DIS3L: variants seen among roughly 807,000 people sequenced by gnomAD.
DIS3L encodes DIS3 like exosome 3'-5' exoribonuclease.
In DIS3L, 100 loss-of-function variants were observed where a neutral mutation model predicts 120.3. The observed-to-expected ratio is 0.83, with a 90% CI of 0.71 to 0.98. The LOEUF (loss-of-function observed/expected upper bound fraction) is 0.98. Ranked by LOEUF, DIS3L falls within the 50% of genes least tolerant of loss-of-function variation. The pLI is 0.00. For synonymous variants in DIS3L, 426 were observed against 470.6 expected (o/e 0.91, Z 1.23); for missense variants, 1,196 against 1,314.2 (o/e 0.91, Z 1.39).
intron 7 of DIS3L, among the ~76,000 whole-genome samples, chr15:66,316,157 C>T (rs1189933885): frequency 1.3e-5 from 2 of 152,142 alleles, no homozygotes; most frequent in Non-Finnish European, 2.9e-5. Context: ...GCATCTTCCC[C>T]TGGACGTCTA....
intron 4 of DIS3L, 101 bp from the exon 5 acceptor site, chr15:66,311,623 A>G (rs1008382611): frequency 2.1e-6 from 3 of 1,406,916 alleles, no homozygotes; most frequent in Non-Finnish European, 2.0e-6. Context: ...CCCCCTCAAG[A>G]TGGCAGGCCA....
rs983097701 is a variant in DIS3L, at chr15:66,329,646, A to G, written c.2535+247A>G. ...GTAAAGATTCAAGCAACGCATAAAGATATGATGACAGAGGCCAGACGTGGT... is the reference window on the plus strand; with the variant it reads ...GTAAAGATTCAAGCAACGCATAAAGGTATGATGACAGAGGCCAGACGTGGT... On this transcript the variant is annotated intron_variant, in intron 14 of 16. Transcript: ENST00000319212. The G allele has an allele frequency of 1.2e-5, 14 of 1,169,458 alleles. No individual in the cohort carries two copies. The African/African-American group carries it at 1.9e-4, about 16-fold the overall frequency. 72.4% of individuals were successfully genotyped at this position (1,169,458 alleles called of 1,614,324 possible).
chr15:66,325,570 C>A (rs889223924), intron 11 of DIS3L, among the ~76,000 whole-genome samples: 1 of 152,100 alleles, frequency 6.6e-6, no homozygotes. Context: ...TTTGTAATTT[C>A]TTTTAAGTTA....
intron 6 of DIS3L, among the ~76,000 whole-genome samples, chr15:66,314,619 G>A (rs2092798796): frequency 1.3e-5 from 2 of 152,146 alleles, no homozygotes; most frequent in Non-Finnish European, 2.9e-5. Context: ...GCTTTCTTCG[G>A]GCCCTTGCTC....
intron 2 of DIS3L, among the ~76,000 whole-genome samples, chr15:66,300,149 G>A (rs781464772): frequency 3.7e-4 from 57 of 152,274 alleles, no homozygotes; most frequent in African/African-American, 3.9e-4. Context: ...CCAAATGTCC[G>A]TTAATTGATT....
Position 66,333,064 on chromosome 15 carries a change from A to G in DIS3L, c.2917A>G (p.Ser973Gly). 6.2e-7 allele frequency: 1 copy of G among 1,613,422 alleles called. No individual in the cohort carries two copies. Among genetic ancestry groups the G allele is most frequent in the Non-Finnish European group, 8.5e-7 (1 of 1,180,000 alleles). The change falls in exon 17 of 17, where the codon AGT becomes GGT. Residue 973 changes from serine to glycine, a missense_variant. Physicochemically the swap from Ser to Gly is moderately conservative, Grantham distance 56. Coordinates refer to ENST00000319212, the MANE Select transcript of DIS3L (RefSeq NM_001143688.3). ...TGATACAATCAGACTTGAAATAATT[A>G]GTAACAAACCATACAAGATACCAAA... The part of the protein sequence containing the change: ...HSDTIRLEII[S>G]NKPYKIPNTE...
Position 66,332,806 on chromosome 15 carries a change from T to C in DIS3L, c.2752T>C (p.Cys918Arg). The C allele has an allele frequency of 1.2e-6, 2 of 1,614,048 alleles. No individual in the cohort carries two copies. The highest frequency in any genetic ancestry group is 1.7e-6 in the Non-Finnish European group (2 of 1,179,992). The change falls in exon 16 of 17, where the codon TGT (cysteine) becomes CGT (arginine). Residue 918 changes from cysteine (C) to arginine (R), a missense_variant. Cys to Arg is a radical substitution (Grantham distance 180). Transcript: ENST00000319212. ...AGTCATCTCATGTGGCCCAGATAGCTGTTCTGAATGGAAACCAGGATCCCT... is the reference window on the plus strand; with the variant it reads ...AGTCATCTCATGTGGCCCAGATAGCCGTTCTGAATGGAAACCAGGATCCCT... ...GLVISCGPDS[C>R]SEWKPGSLQR...
intron 14 of DIS3L, chr15:66,329,603 T>C: frequency 7.8e-7 from 1 of 1,281,566 alleles, no homozygotes; most frequent in South Asian, 2.1e-5. Context: ...GATTTTTTTT[T>C]TTCCGAAAGG....
intron 8 of DIS3L, among the ~76,000 whole-genome samples, chr15:66,318,944 C>T (rs1270229085): frequency 6.6e-6 from 1 of 152,094 alleles, no homozygotes; most frequent in African/African-American, 2.4e-5. Context: ...AGGCTCCCGC[C>T]ACCACGCCCG....
intron 12 of DIS3L, 71 bp from the exon 13 acceptor site, chr15:66,328,899 G>T (rs2092966311): frequency 7.2e-6 from 11 of 1,523,684 alleles, no homozygotes; most frequent in African/African-American, 1.4e-5. Context: ...ATGAGTGAAG[G>T]GTTCCCCTCA....
In DIS3L at chr15:66,327,346, A is replaced by T. The variant is rs76996365; in HGVS notation, c.2201+982A>T. Among the ~76,000 whole-genome samples the T allele has an allele frequency of 9.8e-3, 1,487 of 152,340 alleles. 53 individuals carry two copies. Among genetic ancestry groups the T allele is most frequent in the Admixed American group, 0.061 (940 of 15,298 alleles). On this transcript the variant is annotated intron_variant, in intron 12 of 16. Coordinates refer to ENST00000319212, the MANE Select transcript of DIS3L (RefSeq NM_001143688.3). ...ATTTATTTCAGTACTTTTAAAATGC[A>T]GCATCTTTGTGACAATATCATAAGA... is the stretch of plus-strand genomic sequence containing the variant.
intron 4 of DIS3L, 149 bp from the exon 5 acceptor site, chr15:66,311,575 T>C: frequency 1.2e-6 from 1 of 850,436 alleles, no homozygotes. Flanking sequence ...AGAGAATGAA[T>C]GGTGGAGTGA....
intron 1 of DIS3L, chr15:66,294,461 G>A: frequency 1.0e-6 from 1 of 986,244 alleles, no homozygotes; most frequent in Non-Finnish European, 1.2e-6. Flanking sequence ...GAACATTTCA[G>A]TTAGAGCTTG....
At chr15:66,306,617 C>T (rs1268646599) in intron 2 of DIS3L, 11 of 515,476 alleles carry the variant, frequency 2.1e-5, no homozygotes, top group Non-Finnish European at 3.6e-5. Context: ...TAGGCCCTGC[C>T]CAAGCACCTT....
chr15:66,295,417 A>G (rs2092575660), intron 2 of DIS3L, among the ~76,000 whole-genome samples: 1 of 152,146 alleles, frequency 6.6e-6, no homozygotes, highest in Non-Finnish European at 1.5e-5. Flanking sequence ...TTTGGCTTGC[A>G]TTTTTATAGT....
Position 66,318,517 on chromosome 15 carries a change from G to A in DIS3L, c.1063G>A (p.Val355Ile), listed in dbSNP as rs759050351. ...GGTGACATTTCCGTCCAAAGAAGAG[G>A]TCCAATCTCAGGGCAAAAATGCTCA... ...YVVTFPSKEE[V>I]QSQGKNAQKI... is the part of the protein sequence containing the mutation. The change falls in exon 8 of 17, where the codon GTC becomes ATC. Residue 355 changes from valine (V) to isoleucine (I), a missense_variant. Coordinates refer to ENST00000319212, the MANE Select transcript of DIS3L (RefSeq NM_001143688.3). 6.2e-7 allele frequency: 1 copy of A among 1,613,998 alleles called. No homozygotes were observed. Among genetic ancestry groups the A allele is most frequent in the Non-Finnish European group, 8.5e-7 (1 of 1,180,016 alleles).
Position 66,331,939 on chromosome 15 carries a change from A to G in DIS3L, c.2600A>G (p.Asp867Gly), listed in dbSNP as rs745411516. The G allele has an allele frequency of 1.9e-6, 3 of 1,613,492 alleles. No individual in the cohort carries two copies. The highest frequency in any genetic ancestry group is 1.7e-5 in the Admixed American group (1 of 59,950). The change falls in exon 15 of 17, where the codon GAC becomes GGC. Residue 867 changes from aspartate to glycine, a missense_variant. Asp to Gly is a moderately conservative substitution (Grantham distance 94). Transcript: ENST00000319212. Reference sequence around the variant, plus strand: ...CAGTGCATGTACTTCAAAGACAAAGACCCTGCCACCGAGGAGCGTTGCATA... The same window carrying G: ...CAGTGCATGTACTTCAAAGACAAAGGCCCTGCCACCGAGGAGCGTTGCATA... ...LFQCMYFKDKDPATEERCISD... is the reference protein window; with the variant it reads ...LFQCMYFKDKGPATEERCISD...
At chr15:66,297,033 C>T (rs138941408) in intron 2 of DIS3L, among the ~76,000 whole-genome samples, 117 of 152,254 alleles carry the variant, frequency 7.7e-4, no homozygotes, top group African/African-American at 2.4e-3. Context: ...AGGCGTATTA[C>T]GAGTATGATT....
chr15:66,332,381 C>T (rs894534893), intron 15 of DIS3L, among the ~76,000 whole-genome samples: 2 of 149,646 alleles, frequency 1.3e-5, no homozygotes, highest in African/African-American at 2.5e-5. Context: ...CACTTGAACC[C>T]GGGAAGCAGA....
Sources: gnomAD v4.1 joint callset for allele counts (sites outside exome capture counted in the v4.1 genomes callset) on GRCh38, gnomAD v4.1.1 for gene constraint, MANE v1.5 for transcripts, NCBI Gene and HGNC (gene_info 2026-07-23, HGNC 2026-07-21) for gene names.